Variants in HEMK2 observed in about 807,000 individuals in gnomAD.
HEMK2 encodes methyltransferase HEMK2.
At chr21:28,850,982 T>G in the HEMK2 span, among the ~76,000 whole-genome samples, 3 of 93,042 alleles carry the variant, frequency 3.2e-5, no homozygotes, top group East Asian at 1.1e-3. Flanking sequence ...CAGATGCATA[T>G]ATACCACTTC....
chr21:28,869,493 A>G, the HEMK2 span, among the ~76,000 whole-genome samples: 11,924 of 152,228 alleles, frequency 0.078, 1,117 homozygotes, highest in African/African-American at 0.21. Context: ...GGAAAGAATT[A>G]TAAGAACCAC....
At chr21:28,751,180 G>A in the HEMK2 span, among the ~76,000 whole-genome samples, 3 of 148,696 alleles carry the variant, frequency 2.0e-5, no homozygotes, top group East Asian at 2.0e-4. Context: ...GCAGTGAGCC[G>A]AGATCACGCC....
the HEMK2 span, among the ~76,000 whole-genome samples, chr21:28,759,064 C>A: frequency 6.6e-6 from 1 of 152,204 alleles, no homozygotes; most frequent in Non-Finnish European, 1.5e-5. Flanking sequence ...AGGATCAGGG[C>A]CAGCTTTCTG....
At chr21:28,876,832 T>C in the HEMK2 span, among the ~76,000 whole-genome samples, 1,295 of 152,112 alleles carry the variant, frequency 8.5e-3, 24 homozygotes, top group African/African-American at 0.03. Context: ...GTCTTTCTCT[T>C]TGGATGACAA....
the HEMK2 span, among the ~76,000 whole-genome samples, chr21:28,591,006 C>G: frequency 6.6e-6 from 1 of 152,182 alleles, no homozygotes; most frequent in African/African-American, 2.4e-5. Context: ...ATTAGCTTCA[C>G]AAACATTTTG....
chr21:28,885,341 G>A, the HEMK2 span: 40 of 1,568,048 alleles, frequency 2.6e-5, no homozygotes, highest in Middle Eastern at 5.1e-4. Context: ...GTTCTCCCCT[G>A]CCATAGTCCT....
chr21:28,688,227 A>G, the HEMK2 span, among the ~76,000 whole-genome samples: 1 of 152,236 alleles, frequency 6.6e-6, no homozygotes, highest in East Asian at 1.9e-4. Context: ...CCATTCATTG[A>G]GAGTACATTC....
chr21:28,804,153 C>T, the HEMK2 span, among the ~76,000 whole-genome samples: 1 of 152,188 alleles, frequency 6.6e-6, no homozygotes, highest in Admixed American at 6.5e-5. Flanking sequence ...TTAGCTTTAT[C>T]TCCAAAAGAT....
chr21:28,614,777 G>A, the HEMK2 span, among the ~76,000 whole-genome samples: 1 of 152,164 alleles, frequency 6.6e-6, no homozygotes, highest in African/African-American at 2.4e-5. Flanking sequence ...CCTCCACATG[G>A]CATATGGCAC....
chr21:28,624,972 C>T, the HEMK2 span, among the ~76,000 whole-genome samples: 3 of 152,204 alleles, frequency 2.0e-5, no homozygotes, highest in South Asian at 6.2e-4. Flanking sequence ...GAGTGTAAGA[C>T]TTTTGTCTGG....
At chr21:28,657,260 A>G in the HEMK2 span, among the ~76,000 whole-genome samples, 3 of 152,092 alleles carry the variant, frequency 2.0e-5, no homozygotes, top group Non-Finnish European at 2.9e-5. Flanking sequence ...TTGAACAGTC[A>G]AGAGGTAGCA....
the HEMK2 span, among the ~76,000 whole-genome samples, chr21:28,665,334 C>CTTTTT: frequency 1.4e-4 from 5 of 36,680 alleles, no homozygotes; most frequent in African/African-American, 3.8e-4. Context: ...ATTTATATTT[C>CTTTTT]TTTTTTTTTT....
chr21:28,810,559 A>G, the HEMK2 span, among the ~76,000 whole-genome samples: 1 of 152,138 alleles, frequency 6.6e-6, no homozygotes, highest in Non-Finnish European at 1.5e-5. Flanking sequence ...TGTGCCTCAC[A>G]TTGGGATAAT....
chr21:28,621,404 A>G, the HEMK2 span, among the ~76,000 whole-genome samples: 2 of 152,090 alleles, frequency 1.3e-5, no homozygotes. Flanking sequence ...CTGAGTTCTA[A>G]TTTAAATCTG....
chr21:28,838,619 C>T, the HEMK2 span, among the ~76,000 whole-genome samples: 1 of 150,588 alleles, frequency 6.6e-6, no homozygotes, highest in African/African-American at 2.4e-5. Flanking sequence ...TAACAAAATA[C>T]GAACTAACTG....
chr21:28,780,254 T>C, the HEMK2 span, among the ~76,000 whole-genome samples: 2 of 152,112 alleles, frequency 1.3e-5, no homozygotes, highest in Non-Finnish European at 2.9e-5. Flanking sequence ...CTCAGCTCAC[T>C]GCAACCTCTG....
the HEMK2 span, among the ~76,000 whole-genome samples, chr21:28,727,231 A>G: frequency 6.6e-6 from 1 of 152,092 alleles, no homozygotes; most frequent in Admixed American, 6.6e-5. Flanking sequence ...GTCCCCACGT[A>G]TTCCCTTGGG....
chr21:28,880,962 T>C, the HEMK2 span, among the ~76,000 whole-genome samples: 2 of 128,712 alleles, frequency 1.6e-5, no homozygotes, highest in Admixed American at 8.0e-5. Context: ...ACCGGAAAGC[T>C]ACCTACCCTC....
the HEMK2 span, among the ~76,000 whole-genome samples, chr21:28,650,154 T>C: frequency 6.6e-6 from 1 of 152,200 alleles, no homozygotes; most frequent in African/African-American, 2.4e-5. Flanking sequence ...CCCAGCACTT[T>C]GGGAGTCCAA....
Sources: gnomAD v4.1 joint callset for allele counts (sites outside exome capture counted in the v4.1 genomes callset) on GRCh38, gnomAD v4.1.1 for gene constraint, MANE v1.5 for transcripts, NCBI Gene and HGNC (gene_info 2026-07-23, HGNC 2026-07-21) for gene names.